TYRO3: variants seen among roughly 807,000 people sequenced by gnomAD.
The protein encoded by TYRO3 is TYRO3 protein tyrosine kinase.
A neutral mutation model predicts 95.2 loss-of-function variants in TYRO3; 38 were observed. The observed-to-expected ratio is 0.40, with a 90% CI of 0.31 to 0.52. The LOEUF is 0.52. Ranked by LOEUF, TYRO3 falls within the 20% of genes least tolerant of loss-of-function variation. The pLI is 0.56. For missense variants in TYRO3, 812 were observed against 1,116.4 expected, an observed-to-expected ratio of 0.73 and a Z score of 3.89; for synonymous variants, 367 against 432.9, an observed-to-expected ratio of 0.85 and a Z score of 1.89.
chr15:41,570,100 G>A lies in TYRO3; in HGVS notation c.1326G>A (p.Thr442=), dbSNP rs373237575. 56 of 1,614,162 alleles carry A rather than the reference G, an allele frequency of 3.5e-5. 1 individual carries two copies. Among genetic ancestry groups the A allele is most frequent in the Middle Eastern group, 1.7e-4 (1 of 6,050 alleles). The change falls in exon 10 of 19, where the codon ACG becomes ACA. Residue 442 remains threonine, a synonymous_variant. Transcript: ENST00000263798. ...TTGGTGTGCTAACGGCCCTGGTGAC[G>A]GCTGCTGCCCTGGCCCTCATCCTGC... ...VVLGVLTALV[T]AAALALILLR...
At position 41,562,585 on chromosome 15, in the gene TYRO3, A is replaced by G. The variant is rs200043657; in HGVS notation, c.447A>G (p.Ala149=). The G allele has an allele frequency of 6.2e-7, 1 of 1,613,348 alleles. No homozygotes were observed. The highest frequency in any genetic ancestry group is 8.5e-7 in the Non-Finnish European group (1 of 1,180,038). ...PFFTVEPKDL[A]VPPNAPFQLS... The stretch of plus-strand genomic sequence containing the variant: ...TCACAGTGGAGCCAAAAGATCTGGC[A>G]GTGCCACCCAATGCCCCTTTCCAAC... Residue 149 remains alanine, a synonymous_variant, in exon 4 of 19, where the codon GCA becomes GCG. Coordinates refer to ENST00000263798, the MANE Select transcript of TYRO3 (RefSeq NM_006293.4).
chr15:41,565,510 G>A (rs536435280), intron 6 of TYRO3, among the ~76,000 whole-genome samples: 1 of 151,476 alleles, frequency 6.6e-6, no homozygotes. Flanking sequence ...CTGGGTTCAA[G>A]TGATTCTCCT....
intron 2 of TYRO3, 99 bp from the exon 3 acceptor site, chr15:41,561,440 G>A: frequency 2.7e-6 from 4 of 1,507,446 alleles, no homozygotes; most frequent in Non-Finnish European, 3.6e-6. Flanking sequence ...GCTACCTGTG[G>A]GACCTTCCAG....
rs766749928 is a variant in TYRO3, at chr15:41,567,373, C to G, written c.797C>G (p.Pro266Arg). 1.1e-5 allele frequency: 17 copies of G among 1,571,134 alleles called. No individual in the cohort carries two copies. Among genetic ancestry groups the G allele is most frequent in the Admixed American group, 3.7e-5 (2 of 53,542 alleles). Reference sequence around the variant, plus strand: ...GCTTTTCTGTAGGTGACACAGGCCCCAGGAGGCTGGGAAGTCCTGGCTGTT... The same window carrying G: ...GCTTTTCTGTAGGTGACACAGGCCCGAGGAGGCTGGGAAGTCCTGGCTGTT... ...QSCTVQVTQA[P>R]GGWEVLAVVV... The change falls in exon 7 of 19, where the codon CCA (proline) becomes CGA (arginine). Residue 266 changes from proline (P) to arginine (R), a missense_variant. By Grantham distance (103) the Pro-to-Arg change is moderately radical (BLOSUM62 -2). Transcript: ENST00000263798.
In TYRO3 at chr15:41,571,026, A is replaced by G; in HGVS notation, c.1580-12A>G. The G allele has an allele frequency of 7.4e-7, 1 of 1,343,202 alleles. No homozygotes were observed. The highest frequency in any genetic ancestry group is 1.1e-6 in the Non-Finnish European group (1 of 935,244). The allele number at this position is 1,343,202 out of a possible 1,614,324, so 83.2% of individuals were successfully genotyped here. A position where few individuals can be genotyped will look rare whatever the true frequency, so the allele number is the denominator to read the frequency against. Reference sequence around the variant, plus strand: ...GCCAAGGAGACTCTCCCTTACTTGGATTGGTTCCTAGGAGAGTTTGGTTCA... The same window carrying G: ...GCCAAGGAGACTCTCCCTTACTTGGGTTGGTTCCTAGGAGAGTTTGGTTCA... On this transcript the variant is annotated splice_polypyrimidine_tract_variant and intron_variant, in intron 12 of 18. Transcript: ENST00000263798.
chr15:41,578,148 T>C lies in TYRO3; in HGVS notation c.2545T>C (p.Tyr849His). The change falls in exon 19 of 19, where the codon TAC becomes CAC. Residue 849 changes from tyrosine (Y) to histidine (H), a missense_variant. Physicochemically the swap from Tyr to His is moderately conservative, Grantham distance 83 (BLOSUM62 2). Transcript: ENST00000263798. ...AVGGTPSDCR[Y>H]ILTPGGLAEQ... ...GGGTGGCACTCCCAGTGACTGTCGG[T>C]ACATACTCACCCCCGGAGGGCTGGC... 2 of 1,613,908 alleles carry C rather than the reference T, an allele frequency of 1.2e-6. No homozygotes were observed. Among genetic ancestry groups the C allele is most frequent in the Non-Finnish European group, 1.7e-6 (2 of 1,180,026 alleles).
intron 6 of TYRO3, 91 bp downstream of exon 6, chr15:41,565,232 G>A (rs879548263): frequency 7.7e-6 from 6 of 777,178 alleles, no homozygotes; most frequent in African/African-American, 1.7e-5. Flanking sequence ...AGCTCCTGGG[G>A]GCTTGGTCTG....
chr15:41,567,827 C>T (rs1438717540), intron 7 of TYRO3, among the ~76,000 whole-genome samples: 1 of 152,048 alleles, frequency 6.6e-6, no homozygotes, highest in Non-Finnish European at 1.5e-5. Context: ...GGGATCTGAA[C>T]GATAAAGAAG....
chr15:41,567,638 G>C, intron 7 of TYRO3, 101 bp downstream of exon 7: 1 of 1,094,012 alleles, frequency 9.1e-7, no homozygotes, highest in Non-Finnish European at 1.2e-6. Context: ...TGGAGGTTCA[G>C]GCATCATTCG....
chr15:41,561,610 T>C lies in TYRO3; in HGVS notation c.380T>C (p.Ile127Thr). Residue 127 changes from isoleucine (I) to threonine (T), a missense_variant, in exon 3 of 19, where the codon ATC becomes ACC. Physicochemically the swap from Ile to Thr is moderately conservative, Grantham distance 89. Transcript: ENST00000263798. ...GTGGAGGATGGGGGTGAAACCGAGA[T>C]CTCCCAGCCAGTGTGGCTCACGGTA... ...CQVEDGGETE[I>T]SQPVWLTVEG... is the part of the protein sequence containing the mutation. The C allele has an allele frequency of 6.3e-7, 1 of 1,591,518 alleles. No individual in the cohort carries two copies. The highest frequency in any genetic ancestry group is 1.2e-5 in the South Asian group (1 of 86,898).
At chr15:41,574,623 T>A (rs1248848545) in intron 18 of TYRO3, 2 of 455,960 alleles carry the variant, frequency 4.4e-6, no homozygotes, top group Non-Finnish European at 8.8e-6. Flanking sequence ...CTCTTAACTC[T>A]TTATGACAAC....
At chr15:41,577,804 A>G in intron 18 of TYRO3, 82 bp from the exon 19 acceptor site, 2 of 1,451,618 alleles carry the variant, frequency 1.4e-6, no homozygotes, top group Admixed American at 2.2e-5. Flanking sequence ...AAATTTTTTA[A>G]AACCCTAGTG....
intron 1 of TYRO3, among the ~76,000 whole-genome samples, chr15:41,560,428 T>TGTGTGTGTGTGTGTGTGC (rs1408766845): frequency 1.1e-4 from 15 of 135,314 alleles, no homozygotes; most frequent in South Asian, 2.3e-4. Flanking sequence ...TGTGTGTGTG[T>TGTGTGTGTGTGTGTGTGC]GCGCGCGCGC....
intron 16 of TYRO3, 22 bp from the exon 17 acceptor site, chr15:41,573,286 T>C (rs780462187): frequency 1.3e-5 from 16 of 1,242,294 alleles, no homozygotes; most frequent in Non-Finnish European, 1.6e-5. Context: ...AGGCTGACTC[T>C]CTCCCTCAAT....
rs1465794110 is a variant in TYRO3 at position 41,571,025 on chromosome 15, G to T, written c.1580-13G>T. 7.4e-7 allele frequency: 1 copy of T among 1,350,052 alleles called. No individual in the cohort carries two copies. The highest frequency in any genetic ancestry group is 1.1e-6 in the Non-Finnish European group (1 of 941,284). 83.6% of individuals were successfully genotyped at this position (1,350,052 alleles called of 1,614,324 possible). A position where few individuals can be genotyped will look rare whatever the true frequency, so the allele number is the denominator to read the frequency against. On this transcript the variant is annotated splice_polypyrimidine_tract_variant and intron_variant, in intron 12 of 18. Transcript: ENST00000263798. ...AGCCAAGGAGACTCTCCCTTACTTG[G>T]ATTGGTTCCTAGGAGAGTTTGGTTC...
Position 41,573,574 on chromosome 15 carries a change from G to A in TYRO3, c.2146-105G>A, listed in dbSNP as rs568727403. ...GCTCTCTGGGGTTTGGTTGCCCCCT[G>A]ATGAGGCCCTGAGCCCCAGGTTGTG... On this transcript the variant is annotated intron_variant, in intron 17 of 18. Transcript: ENST00000263798. 55 of 1,415,722 alleles carry A rather than the reference G, an allele frequency of 3.9e-5. No homozygotes were observed. The South Asian group carries it at 6.3e-4, about 16-fold the overall frequency. The allele number at this position is 1,415,722 out of a possible 1,614,324, so 87.7% of individuals were successfully genotyped here.
Position 41,561,176 on chromosome 15 carries a change from G to A in TYRO3, c.174G>A (p.Gln58=). ...APVKLTVSQG[Q]PVKLNCSVEG... is the part of the protein sequence containing the mutation. ...TGAAGCTGACAGTGTCTCAGGGGCA[G>A]CCGGTGAAGCTCAACTGCAGTGTGG... Residue 58 remains glutamine, a synonymous_variant, in exon 2 of 19, where the codon CAG becomes CAA. Coordinates refer to ENST00000263798, the MANE Select transcript of TYRO3 (RefSeq NM_006293.4). 2 of 1,614,248 alleles carry A rather than the reference G, an allele frequency of 1.2e-6. No individual in the cohort carries two copies. The highest frequency in any genetic ancestry group is 1.7e-6 in the Non-Finnish European group (2 of 1,180,044).
intron 18 of TYRO3, chr15:41,577,334 A>G (rs2055872032): frequency 6.6e-6 from 1 of 151,854 alleles, no homozygotes; most frequent in South Asian, 2.1e-4. Context: ...TTGTTTGTTT[A>G]TTTATTTTGA....
At position 41,561,322 on chromosome 15, in the gene TYRO3, T is replaced by G; in HGVS notation, c.308+12T>G. On this transcript the variant is annotated intron_variant, in intron 2 of 18. Coordinates refer to ENST00000263798, the MANE Select transcript of TYRO3 (RefSeq NM_006293.4). Reference sequence around the variant, plus strand: ...ATCGGCTTCCTCAGGTGCAGGCCTGTGGGGGAAGGTGTGGGCTGCCAGCCA... The same window carrying G: ...ATCGGCTTCCTCAGGTGCAGGCCTGGGGGGGAAGGTGTGGGCTGCCAGCCA... 1 of 1,604,236 alleles carries G rather than the reference T, an allele frequency of 6.2e-7. No homozygotes were observed. The highest frequency in any genetic ancestry group is 1.3e-5 in the African/African-American group (1 of 74,842).
Sources: allele counts gnomAD v4.1 joint callset (sites outside exome capture counted in the v4.1 genomes callset), GRCh38; gene constraint gnomAD v4.1.1; transcripts MANE v1.5; gene names NCBI Gene and HGNC (gene_info 2026-07-23, HGNC 2026-07-21).